Variants in GPC3 observed in about 807,000 individuals in gnomAD.
GPC3 encodes glypican-3.
A neutral mutation model predicts 34.4 loss-of-function variants in GPC3; 3 were observed. That is an observed-to-expected ratio of 0.09 (90% CI 0.04 to 0.23). The LOEUF is 0.23. GPC3 is among the 10% of genes least tolerant of loss of function. The probability of loss-of-function intolerance (pLI) is 1.00; values close to 1 mark genes in which losing one functional copy is unlikely to be tolerated. For synonymous variants in GPC3, 177 were observed against 174.0 expected (o/e 1.02, Z -0.13); for missense variants, 351 against 445.6 (o/e 0.79, Z 1.91).
chrX:133,755,612 G>A (rs1432417500), intron 2 of GPC3, among the ~76,000 whole-genome samples: 1 of 112,482 alleles, frequency 8.9e-6, no homozygotes, highest in African/African-American at 3.2e-5. Context: ...CAGTGAGAGT[G>A]TAACAGTCTC....
intron 5 of GPC3, among the ~76,000 whole-genome samples, chrX:133,690,115 C>G (rs1250036903): frequency 9.0e-6 from 1 of 111,655 alleles, no homozygotes; most frequent in Non-Finnish European, 1.9e-5. Flanking sequence ...GGCTGATTTA[C>G]ATTTGCCAGA....
chrX:133,565,321 G>C (rs1394203109), intron 7 of GPC3, among the ~76,000 whole-genome samples: 1 of 111,848 alleles, frequency 8.9e-6, no homozygotes, highest in African/African-American at 3.3e-5. Context: ...TACCTTGGGA[G>C]CAGTTGTCAC....
chrX:133,920,689 G>A (rs1306509077), intron 2 of GPC3, among the ~76,000 whole-genome samples: 2 of 111,803 alleles, frequency 1.8e-5, no homozygotes, highest in Non-Finnish European at 3.8e-5. Flanking sequence ...TTTTCAAAAC[G>A]TCTTCAGACA....
chrX:133,751,469 C>T lies in GPC3; in HGVS notation c.1032+2013G>A, dbSNP rs752703947. 1.8e-5 allele frequency among the ~76,000 whole-genome samples: 2 copies of T among 112,340 alleles called. 1 individual carries two copies. Among genetic ancestry groups the T allele is most frequent in the Non-Finnish European group, 3.8e-5 (2 of 53,266 alleles). ...CGTAATTAGATAGGACATTTTTGTT[C>T]ATTTTACTATAAAATATTTTCACAG... On this transcript the variant is annotated intron_variant, in intron 3 of 7. Transcript: ENST00000370818.
intron 6 of GPC3, among the ~76,000 whole-genome samples, chrX:133,648,664 A>G (rs2070567964): frequency 9.0e-6 from 1 of 111,037 alleles, no homozygotes; most frequent in African/African-American, 3.3e-5. Context: ...GCCCTCCCAA[A>G]TTTTTTACCA....
At chrX:133,873,292 C>T (rs1003375044) in intron 2 of GPC3, among the ~76,000 whole-genome samples, 5 of 112,089 alleles carry the variant, frequency 4.5e-5, no homozygotes, top group South Asian at 3.7e-4. Flanking sequence ...CATTATCCTT[C>T]GGCATTCTTT....
intron 7 of GPC3, among the ~76,000 whole-genome samples, chrX:133,545,529 T>C (rs2069375959): frequency 9.1e-6 from 1 of 110,242 alleles, no homozygotes; most frequent in Non-Finnish European, 1.9e-5. Flanking sequence ...AAGACAGTGA[T>C]TAGTGAGTTA....
At position 133,745,866 on chromosome X, in the gene GPC3, T is replaced by C. The variant is rs747158366; in HGVS notation, c.1032+7616A>G. On this transcript the variant is annotated intron_variant, in intron 3 of 7. Coordinates refer to ENST00000370818, the MANE Select transcript of GPC3 (RefSeq NM_004484.4). ...AGGAACAGACGAACTGACTACCCTT[T>C]GTTTCAGACTATCCTTTTCAAGTAT... Among the ~76,000 whole-genome samples, 23 of 112,608 alleles carry C rather than the reference T, an allele frequency of 2.0e-4. No homozygotes were observed. In the South Asian group the frequency reaches 5.2e-3, roughly 25 times the overall value.
At chrX:133,705,167 AC>A (rs1259793508) in intron 3 of GPC3, among the ~76,000 whole-genome samples, 1 of 111,438 alleles carries the variant, frequency 9.0e-6, no homozygotes, top group African/African-American at 3.3e-5. Flanking sequence ...CCTACCAACA[AC>A]CCTCTGAGGT....
intron 2 of GPC3, among the ~76,000 whole-genome samples, chrX:133,951,440 T>C (rs1254461463): frequency 1.8e-5 from 2 of 110,917 alleles, no homozygotes; most frequent in African/African-American, 6.6e-5. Context: ...TAAGGTAACA[T>C]CTGTGAGCTT....
chrX:133,757,309 T>A, intron 2 of GPC3, among the ~76,000 whole-genome samples: 1 of 111,845 alleles, frequency 8.9e-6, no homozygotes. Flanking sequence ...CCTTTGGACA[T>A]GCTCCAGTGT....
intron 5 of GPC3, among the ~76,000 whole-genome samples, chrX:133,691,886 A>G (rs1336047030): frequency 1.8e-5 from 2 of 112,497 alleles, no homozygotes; most frequent in African/African-American, 6.5e-5. Flanking sequence ...ACAGTTCTCT[A>G]TGTGTTTCAA....
chrX:133,964,487 A>G (rs942749708), intron 1 of GPC3, among the ~76,000 whole-genome samples: 5 of 112,267 alleles, frequency 4.5e-5, no homozygotes, highest in African/African-American at 1.6e-4. Flanking sequence ...AAGTTCAACA[A>G]GAATGATGAG....
At chrX:133,553,194 T>C (rs2069451771) in intron 7 of GPC3, among the ~76,000 whole-genome samples, 1 of 111,943 alleles carries the variant, frequency 8.9e-6, no homozygotes, top group Admixed American at 9.5e-5. Context: ...ATACATCACA[T>C]GTGCCCATTA....
chrX:133,765,231 C>CA (rs1234979401), intron 2 of GPC3, among the ~76,000 whole-genome samples: 1 of 111,274 alleles, frequency 9.0e-6, no homozygotes, highest in Non-Finnish European at 1.9e-5. Context: ...TTAGCTAGAC[C>CA]AAAAAAAATC....
chrX:133,735,127 A>G (rs906916763), intron 3 of GPC3, among the ~76,000 whole-genome samples: 1 of 111,671 alleles, frequency 9.0e-6, no homozygotes, highest in African/African-American at 3.3e-5. Flanking sequence ...TAAAATTCAT[A>G]TGGAATTGCA....
intron 2 of GPC3, among the ~76,000 whole-genome samples, chrX:133,803,437 T>C (rs1418810000): frequency 8.9e-6 from 1 of 112,305 alleles, no homozygotes; most frequent in African/African-American, 3.2e-5. Context: ...GACTGGTTCA[T>C]GGCCATTGCA....
Position 133,863,213 on chromosome X carries a change from C to T in GPC3, c.337+89837G>A, listed in dbSNP as rs778875446. Among the ~76,000 whole-genome samples, 12 of 112,155 alleles carry T rather than the reference C, an allele frequency of 1.1e-4. No homozygotes were observed. In the South Asian group the frequency reaches 2.9e-3, roughly 28 times the overall value. The stretch of plus-strand genomic sequence containing the variant: ...CAAATAAAACATCTTTGCAATAACC[C>T]CTTGTCAATAGAATAGCCATAAATC... On this transcript the variant is annotated intron_variant, in intron 2 of 7. Transcript: ENST00000370818.
chrX:133,806,806 G>A (rs112979564), intron 2 of GPC3, among the ~76,000 whole-genome samples: 13 of 108,946 alleles, frequency 1.2e-4, no homozygotes, highest in African/African-American at 4.3e-4. Context: ...CCACCACCAC[G>A]CCCGGCTAAT....
Sources: allele counts gnomAD v4.1 joint callset (sites outside exome capture counted in the v4.1 genomes callset), GRCh38; gene constraint gnomAD v4.1.1; transcripts MANE v1.5; gene names NCBI Gene and HGNC (gene_info 2026-07-23, HGNC 2026-07-21).